The following ASPRV1 variants were observed in gnomAD, a reference collection of about 807,000 sequenced individuals.
The protein encoded by ASPRV1 is retroviral-like aspartic protease 1.
In ASPRV1, 7 loss-of-function variants were observed where a neutral mutation model predicts 11.0. The ratio of observed to expected loss-of-function variants is 0.64; its 90% confidence interval spans 0.36 to 1.20. The LOEUF (loss-of-function observed/expected upper bound fraction) is 1.20. Ranked by LOEUF, ASPRV1 falls within the 50% of genes most tolerant of loss-of-function variation. ASPRV1 has a pLI of 0.02. For missense variants in ASPRV1, 299 were observed against 320.0 expected (o/e 0.93, Z 0.50); for synonymous variants, 136 against 138.4 (o/e 0.98, Z 0.12).
chr2:70,017,001 T>G, the ASPRV1 span, among the ~76,000 whole-genome samples: 3 of 151,360 alleles, frequency 2.0e-5, no homozygotes, highest in Admixed American at 6.6e-5. Flanking sequence ...TCATCTCAAT[T>G]TTTTTTTTAC....
chr2:70,018,753 C>T, the ASPRV1 span, among the ~76,000 whole-genome samples: 1 of 152,148 alleles, frequency 6.6e-6, no homozygotes, highest in Non-Finnish European at 1.5e-5. Context: ...GTTCATTTCA[C>T]ACCATATACA....
At chr2:69,996,820 G>A in the ASPRV1 span, 3 of 438,866 alleles carry the variant, frequency 6.8e-6, no homozygotes, top group Admixed American at 5.2e-5. Flanking sequence ...CTAACCGGAG[G>A]TGCTGTCTGA....
At chr2:69,972,419 G>A in the ASPRV1 span, among the ~76,000 whole-genome samples, 2 of 149,178 alleles carry the variant, frequency 1.3e-5, no homozygotes, top group African/African-American at 2.5e-5. Context: ...GTGCAGTGGC[G>A]TGATCTCGGC....
chr2:69,977,263 C>T, the ASPRV1 span, among the ~76,000 whole-genome samples: 47 of 152,118 alleles, frequency 3.1e-4, no homozygotes, highest in South Asian at 9.3e-3. Flanking sequence ...ATGGGAATTC[C>T]CAGTGTCTCA....
chr2:69,941,687 G>A, the ASPRV1 span: 3 of 152,024 alleles, frequency 2.0e-5, no homozygotes, highest in Non-Finnish European at 2.9e-5. Flanking sequence ...TCCCCAAAGC[G>A]GCCAAGAGCA....
chr2:69,944,219 T>C, the ASPRV1 span, among the ~76,000 whole-genome samples: 1 of 152,354 alleles, frequency 6.6e-6, no homozygotes, highest in East Asian at 1.9e-4. Context: ...CTTTGAACTG[T>C]AGATAATTAG....
At chr2:70,046,563 G>A in the ASPRV1 span, 1 of 152,112 alleles carries the variant, frequency 6.6e-6, no homozygotes, top group African/African-American at 2.4e-5. Flanking sequence ...TTATTATTAG[G>A]TACTCTTTGG....
At chr2:70,062,433 T>C in the ASPRV1 span, among the ~76,000 whole-genome samples, 5 of 152,212 alleles carry the variant, frequency 3.3e-5, no homozygotes, top group African/African-American at 1.2e-4. Flanking sequence ...TAGCAGTTGA[T>C]ACCAGGAAAT....
At chr2:69,985,561 T>C in the ASPRV1 span, among the ~76,000 whole-genome samples, 4 of 152,204 alleles carry the variant, frequency 2.6e-5, no homozygotes, top group African/African-American at 7.2e-5. Context: ...GTTCCATCCA[T>C]TGGCCAACCC....
the ASPRV1 span, among the ~76,000 whole-genome samples, chr2:70,004,332 C>T: frequency 6.6e-6 from 1 of 151,900 alleles, no homozygotes; most frequent in Non-Finnish European, 1.5e-5. Flanking sequence ...GAGATCCAGA[C>T]CATCCTGGCC....
At chr2:69,979,148 C>A in the ASPRV1 span, among the ~76,000 whole-genome samples, 1 of 152,158 alleles carries the variant, frequency 6.6e-6, no homozygotes, top group African/African-American at 2.4e-5. Context: ...GATTCTTCTG[C>A]CTCAGCCTCC....
At chr2:70,081,660 T>C in the ASPRV1 span, among the ~76,000 whole-genome samples, 1 of 152,068 alleles carries the variant, frequency 6.6e-6, no homozygotes, top group Non-Finnish European at 1.5e-5. Context: ...CATGGCTCAA[T>C]ACAGCCTCCA....
the ASPRV1 span, among the ~76,000 whole-genome samples, chr2:70,072,298 G>A: frequency 1.3e-5 from 2 of 152,068 alleles, no homozygotes; most frequent in African/African-American, 4.8e-5. Flanking sequence ...GCACACAGTA[G>A]TCCCAGCTAC....
downstream of ASPRV1, among the ~76,000 whole-genome samples, chr2:69,957,695 G>A (rs7564046): frequency 2.7e-3 from 410 of 151,990 alleles, no homozygotes; most frequent in African/African-American, 8.6e-3. Context: ...TGCTGATGCC[G>A]CCTTCCTGCT....
chr2:69,999,824 TC>T, the ASPRV1 span, among the ~76,000 whole-genome samples: 2 of 148,966 alleles, frequency 1.3e-5, no homozygotes, highest in African/African-American at 2.5e-5. Flanking sequence ...TCCTGGCTCA[TC>T]CTCTACCTGC....
At chr2:70,016,476 GC>G in the ASPRV1 span, 33,647 of 151,988 alleles carry the variant, frequency 0.22, 6,492 homozygotes, top group African/African-American at 0.48. Flanking sequence ...GGAGTTTAAG[GC>G]CTGCAGTAAA....
the ASPRV1 span, chr2:70,081,430 G>A: frequency 2.0e-5 from 3 of 151,812 alleles, no homozygotes; most frequent in Admixed American, 6.6e-5. Context: ...GGGAAGCAGA[G>A]GTTGCAGTGA....
chr2:70,066,605 A>AT, the ASPRV1 span, among the ~76,000 whole-genome samples: 2,169 of 147,990 alleles, frequency 0.015, 48 homozygotes, highest in African/African-American at 0.046. Context: ...ATTTTACTTT[A>AT]TTTTTTTTTT....
At chr2:69,939,275 T>C in the ASPRV1 span, 1 of 152,626 alleles carries the variant, frequency 6.6e-6, no homozygotes, top group African/African-American at 2.4e-5. Flanking sequence ...ACATTTCTAC[T>C]CTCTGTTGCA....
Sources: gnomAD v4.1 joint callset for allele counts (sites outside exome capture counted in the v4.1 genomes callset) on GRCh38, gnomAD v4.1.1 for gene constraint, MANE v1.5 for transcripts, NCBI Gene and HGNC (gene_info 2026-07-23, HGNC 2026-07-21) for gene names.